Variants in KIAA1217 observed in about 807,000 individuals in gnomAD.
The protein encoded by KIAA1217 is KIAA1217.
Under a neutral mutation model 163.9 loss-of-function variants are expected in KIAA1217, and 88 were observed. The observed-to-expected ratio is 0.54, with a 90% CI of 0.45 to 0.64. The LOEUF is 0.64. Ranked by LOEUF, KIAA1217 falls within the 30% of genes least tolerant of loss-of-function variation. KIAA1217 has a pLI of 0.00. For synonymous variants in KIAA1217, 903 were observed against 923.1 expected (o/e 0.98, Z 0.39); for missense variants, 2,372 against 2,475.0 (o/e 0.96, Z 0.88).
intron 1 of KIAA1217, 56 bp downstream of exon 1, chr10:24,209,319 TTGC>T: frequency 2.2e-6 from 3 of 1,355,902 alleles, no homozygotes; most frequent in Non-Finnish European, 3.1e-6. Context: ...CCCTTGCCGC[TTGC>T]TGCTTTTTAT....
At chr10:23,916,836 G>A (rs567034209) in intron 1 of KIAA1217, among the ~76,000 whole-genome samples, 1 of 152,028 alleles carries the variant, frequency 6.6e-6, no homozygotes, top group East Asian at 1.9e-4. Flanking sequence ...GCTGGATGTG[G>A]TGGCGTGTGC....
chr10:24,396,869 G>A (rs1591591758), intron 3 of KIAA1217, among the ~76,000 whole-genome samples: 1 of 152,304 alleles, frequency 6.6e-6, no homozygotes. Flanking sequence ...AGGATCAGTG[G>A]CGCCACTTCA....
chr10:24,403,426 A>G (rs2056814458), intron 3 of KIAA1217, among the ~76,000 whole-genome samples: 1 of 151,984 alleles, frequency 6.6e-6, no homozygotes, highest in Non-Finnish European at 1.5e-5. Context: ...TTTAGTAGAG[A>G]CGGGGTTTCA....
chr10:24,070,079 A>T (rs1001382437), intron 2 of KIAA1217, among the ~76,000 whole-genome samples: 2 of 152,164 alleles, frequency 1.3e-5, no homozygotes, highest in Non-Finnish European at 2.9e-5. Context: ...GCCTCTAGCG[A>T]TCCTTCCACC....
At chr10:24,515,350 G>A (rs1459536482) in intron 10 of KIAA1217, among the ~76,000 whole-genome samples, 1 of 152,286 alleles carries the variant, frequency 6.6e-6, no homozygotes, top group East Asian at 1.9e-4. Flanking sequence ...TTACAGGCAT[G>A]AGCCACCACG....
At chr10:24,322,576 G>T (rs1564470152) in intron 2 of KIAA1217, among the ~76,000 whole-genome samples, 1 of 152,108 alleles carries the variant, frequency 6.6e-6, no homozygotes, top group African/African-American at 2.4e-5. Context: ...GGGCCAGAGA[G>T]GTCTTTAAAT....
Position 24,544,067 on chromosome 10 carries a change from T to A in KIAA1217, c.4797T>A (p.Thr1599=), listed in dbSNP as rs1202987838. ...CCGGAACTAAAACAGGGAAGAAGAC[T>A]TTGCAAGTGGTAGTCTATGAAGAAG... ...IRTGTKTGKK[T]LQVVVYEEEE... is the part of the protein sequence containing the mutation. Residue 1599 remains threonine, a synonymous_variant, in exon 19 of 21, where the codon ACT becomes ACA. Coordinates refer to ENST00000376454, the MANE Select transcript of KIAA1217 (RefSeq NM_019590.5). The A allele has an allele frequency of 6.2e-7, 1 of 1,613,922 alleles. No homozygotes were observed. Among genetic ancestry groups the A allele is most frequent in the Non-Finnish European group, 8.5e-7 (1 of 1,180,018 alleles).
At chr10:24,051,902 T>A (rs1179403046) in intron 2 of KIAA1217, among the ~76,000 whole-genome samples, 1 of 152,206 alleles carries the variant, frequency 6.6e-6, no homozygotes, top group Non-Finnish European at 1.5e-5. Context: ...ACTCTGTGTG[T>A]TGTCTGTTCA....
chr10:23,865,577 A>C, intron 1 of KIAA1217, among the ~76,000 whole-genome samples: 1 of 151,904 alleles, frequency 6.6e-6, no homozygotes, highest in East Asian at 1.9e-4. Flanking sequence ...TTTTTCTTAA[A>C]CTTCCTTTTA....
intron 2 of KIAA1217, among the ~76,000 whole-genome samples, chr10:24,375,818 G>A (rs915223027): frequency 3.3e-5 from 5 of 152,166 alleles, no homozygotes; most frequent in African/African-American, 7.2e-5. Context: ...CTGAAGCAAA[G>A]TGAATACCTT....
At chr10:24,337,889 C>A (rs1047724382) in intron 2 of KIAA1217, among the ~76,000 whole-genome samples, 10 of 152,078 alleles carry the variant, frequency 6.6e-5, no homozygotes, top group Non-Finnish European at 1.2e-4. Flanking sequence ...GTGATCTACC[C>A]GCCTTGGCCT....
rs1479344212 is a variant in KIAA1217 at position 24,134,523 on chromosome 10, G to A, written c.-170-85103G>A. On this transcript the variant is annotated intron_variant, in intron 2 of 18. Transcript: ENST00000376462. ...GTTGCGCTGACCTTCACAGTAGGTA[G>A]TCAGATGTCTAGTTTACAGTATCCA... 6.6e-5 allele frequency among the ~76,000 whole-genome samples: 10 copies of A among 152,150 alleles called. No individual in the cohort carries two copies. In the East Asian group the frequency reaches 1.7e-3, roughly 26 times the overall value.
intron 2 of KIAA1217, among the ~76,000 whole-genome samples, chr10:24,337,667 C>T (rs1306423953): frequency 4.9e-5 from 5 of 102,216 alleles, no homozygotes; most frequent in Admixed American, 1.3e-4. Context: ...TTTTTTGAGA[C>T]GAGTCTCATA....
intron 1 of KIAA1217, among the ~76,000 whole-genome samples, chr10:23,717,486 T>C (rs1233464126): frequency 1.3e-5 from 2 of 152,076 alleles, no homozygotes; most frequent in Admixed American, 6.6e-5. Flanking sequence ...TCCAGAATAA[T>C]ATAGGTCACC....
intron 1 of KIAA1217, among the ~76,000 whole-genome samples, chr10:23,811,322 G>T (rs867985438): frequency 6.8e-6 from 1 of 147,026 alleles, no homozygotes; most frequent in African/African-American, 2.5e-5. Context: ...ATATATAGAG[G>T]GAGTATGTAT....
chr10:23,758,327 G>A (rs6482341), intron 1 of KIAA1217, among the ~76,000 whole-genome samples: 50,356 of 151,962 alleles, frequency 0.33, 9,999 homozygotes, highest in African/African-American at 0.56. Flanking sequence ...CTTTTCCCCA[G>A]TGAATAGTCT....
chr10:24,379,023 C>T (rs2052928266), intron 2 of KIAA1217, among the ~76,000 whole-genome samples: 1 of 152,074 alleles, frequency 6.6e-6, no homozygotes, highest in Non-Finnish European at 1.5e-5. Flanking sequence ...TGGTTTCTGC[C>T]GTGAGCTATA....
At chr10:23,906,044 C>T (rs1229291044) in intron 1 of KIAA1217, among the ~76,000 whole-genome samples, 1 of 152,024 alleles carries the variant, frequency 6.6e-6, no homozygotes, top group African/African-American at 2.4e-5. Flanking sequence ...GTTGCTGGTT[C>T]CTCACATGTT....
In KIAA1217 at chr10:23,821,255, G is replaced by A. The variant is rs547919620; in HGVS notation, c.-321+126021G>A. Among the ~76,000 whole-genome samples the A allele has an allele frequency of 3.4e-4, 52 of 152,216 alleles. No homozygotes were observed. The South Asian group carries it at 1.0e-2, about 29-fold the overall frequency. On this transcript the variant is annotated intron_variant, in intron 1 of 18. Coordinates refer to the KIAA1217 transcript ENST00000376462. ...AAGTGGAAAGTCATGTGTTTTAAGT[G>A]TCAGTTCCAGTCAACTTCTTTTGCA...
Sources: allele counts gnomAD v4.1 joint callset (sites outside exome capture counted in the v4.1 genomes callset), GRCh38; gene constraint gnomAD v4.1.1; transcripts MANE v1.5; gene names NCBI Gene and HGNC (gene_info 2026-07-23, HGNC 2026-07-21).